Variants in SRCIN1 observed in about 807,000 individuals in gnomAD.
SRCIN1 encodes P130Cas-associated protein.
In SRCIN1, 50 loss-of-function variants were observed where a neutral mutation model predicts 116.2. That is an observed-to-expected ratio of 0.43 (90% CI 0.34 to 0.54). SRCIN1 has a LOEUF of 0.54. Among genes scored for constraint, SRCIN1 ranks in the 20% least tolerant of loss-of-function variants. The pLI is 0.02. For missense variants in SRCIN1, 1,446 were observed against 1,672.0 expected (o/e 0.86, Z 2.36); for synonymous variants, 736 against 750.0 (o/e 0.98, Z 0.30).
intron 18 of SRCIN1, among the ~76,000 whole-genome samples, chr17:38,537,202 T>C (rs1332933456): frequency 6.7e-6 from 1 of 148,514 alleles, no homozygotes; most frequent in Non-Finnish European, 1.5e-5. Flanking sequence ...AATAAATAAA[T>C]AAAAACAGCT....
chr17:38,533,837 G>A (rs879543108), intron 18 of SRCIN1, among the ~76,000 whole-genome samples: 4 of 151,576 alleles, frequency 2.6e-5, no homozygotes, highest in Admixed American at 6.6e-5. Flanking sequence ...GGGGACGGGG[G>A]TCAGGGTGGG....
intron 9 of SRCIN1, 91 bp downstream of exon 9, chr17:38,559,963 C>CCAGT: frequency 7.3e-7 from 1 of 1,360,766 alleles, no homozygotes; most frequent in Non-Finnish European, 1.0e-6. Flanking sequence ...TGGGCTAAGG[C>CCAGT]CAGTGATGTA....
intron 2 of SRCIN1, among the ~76,000 whole-genome samples, chr17:38,573,246 G>C (rs922246345): frequency 4.6e-5 from 7 of 152,194 alleles, no homozygotes; most frequent in African/African-American, 1.7e-4. Context: ...CGGGGTCTTT[G>C]CTGTGCACCT....
At chr17:38,571,484 G>A (rs1283584757) in intron 2 of SRCIN1, among the ~76,000 whole-genome samples, 1 of 152,150 alleles carries the variant, frequency 6.6e-6, no homozygotes, top group Admixed American at 6.5e-5. Context: ...CCCAACACCA[G>A]AAACCCCCCA....
chr17:38,551,727 G>T, intron 14 of SRCIN1, 159 bp downstream of exon 14: 1 of 1,185,538 alleles, frequency 8.4e-7, no homozygotes. Context: ...GAGGGCTAAT[G>T]TCACCCTCAT....
At chr17:38,589,315 A>G (rs552041301) in intron 1 of SRCIN1, among the ~76,000 whole-genome samples, 2 of 152,212 alleles carry the variant, frequency 1.3e-5, no homozygotes, top group African/African-American at 4.8e-5. Flanking sequence ...GCCACCTTAG[A>G]TGCCACGCAG....
chr17:38,587,439 T>C (rs900352949), intron 1 of SRCIN1, among the ~76,000 whole-genome samples: 26 of 152,140 alleles, frequency 1.7e-4, no homozygotes, highest in Admixed American at 8.5e-4. Context: ...GCCCCCTCCT[T>C]ACCCGTCCTG....
chr17:38,554,942 T>C (rs1002946909), intron 11 of SRCIN1, among the ~76,000 whole-genome samples: 1 of 152,216 alleles, frequency 6.6e-6, no homozygotes, highest in Non-Finnish European at 1.5e-5. Context: ...TCAGCAAATC[T>C]TATCAGCACG....
chr17:38,563,496 C>T lies in SRCIN1; in HGVS notation c.567G>A (p.Glu189=). The change falls in exon 5 of 19, where the codon GAG becomes GAA. Residue 189 remains glutamate (E), a synonymous_variant. Transcript: ENST00000617146. The surrounding 1 kb of genome is among the most constrained non-coding windows in gnomAD (Gnocchi z 5.8). Reference sequence around the variant, plus strand: ...GCGTGATGTGCACGCGCCGAGTCTCCTCCCCGAACTGCAGGAACAGCACCC... The same window carrying T: ...GCGTGATGTGCACGCGCCGAGTCTCTTCCCCGAACTGCAGGAACAGCACCC... ...SPGVLFLQFG[E]ETRRVHITHE... is the part of the protein sequence containing the mutation. 1.3e-6 allele frequency: 2 copies of T among 1,552,334 alleles called. No homozygotes were observed. Among genetic ancestry groups the T allele is most frequent in the South Asian group, 2.4e-5 (2 of 84,162 alleles).
At position 38,532,382 on chromosome 17, in the gene SRCIN1, TC is replaced by T. The variant is rs1170835067; in HGVS notation, c.*914del. ...AGGCCCCTCACTCTTGCCCACCCCATCCCCATTCAATAAGTTAATGCCATTT... is the reference window on the plus strand; with the variant it reads ...AGGCCCCTCACTCTTGCCCACCCCATCCCATTCAATAAGTTAATGCCATTT... On this transcript the variant is annotated 3_prime_UTR_variant, in exon 19 of 19. Coordinates refer to ENST00000617146, the MANE Select transcript of SRCIN1 (RefSeq NM_025248.3). This position sits in a 1 kb window ranked among gnomAD's most constrained non-coding sequence, Gnocchi z 4.3. 2 of 152,220 alleles carry T rather than the reference TC, an allele frequency of 1.3e-5. No homozygotes were observed. Among genetic ancestry groups the T allele is most frequent in the Non-Finnish European group, 2.9e-5 (2 of 68,024 alleles). The allele number at this position is 152,220 out of a possible 1,614,324, so 9.4% of individuals were successfully genotyped here. A position where few individuals can be genotyped will look rare whatever the true frequency, so the allele number is the denominator to read the frequency against.
rs1019817893 is a variant in SRCIN1 at position 38,572,213 on chromosome 17, T to A, written c.325-3982A>T. On this transcript the variant is annotated intron_variant, in intron 2 of 18. Coordinates refer to ENST00000617146, the MANE Select transcript of SRCIN1 (RefSeq NM_025248.3). This position sits in a 1 kb window ranked among gnomAD's most constrained non-coding sequence, Gnocchi z 4.3. ...ACCTCTCAACTCCCATGAACACGAG[T>A]CAGCGTAAACACTCGTCCCCCGGGC... Among the ~76,000 whole-genome samples the A allele has an allele frequency of 1.3e-5, 2 of 152,054 alleles. No homozygotes were observed. The highest frequency in any genetic ancestry group is 6.5e-5 in the Admixed American group (1 of 15,272).
chr17:38,564,113 A>C lies in SRCIN1; in HGVS notation c.541+5T>G, dbSNP rs1906492676. On this transcript the variant is annotated splice_donor_5th_base_variant and intron_variant, in intron 4 of 18. Coordinates refer to ENST00000617146, the MANE Select transcript of SRCIN1 (RefSeq NM_025248.3). ...GGGAGGGAGGGTGGACTGGGCGGGC[A>C]GTACCTGGGGAGCGCAGCTTGGTCT... 8 of 1,594,716 alleles carry C rather than the reference A, an allele frequency of 5.0e-6. No homozygotes were observed. In the East Asian group the frequency reaches 1.8e-4, roughly 36 times the overall value.
At position 38,552,941 on chromosome 17, in the gene SRCIN1, G is replaced by A. The variant is rs1039278611; in HGVS notation, c.2202-86C>T. 5 of 1,540,840 alleles carry A rather than the reference G, an allele frequency of 3.2e-6. No homozygotes were observed. Among genetic ancestry groups the A allele is most frequent in the Non-Finnish European group, 4.4e-6 (5 of 1,143,824 alleles). ...AAATTGGGCAACTGGAAAGAAATCA[G>A]GCCACCAGTTGGATCGAAAGTAAAA... On this transcript the variant is annotated intron_variant, in intron 11 of 18. Coordinates refer to ENST00000617146, the MANE Select transcript of SRCIN1 (RefSeq NM_025248.3). This position sits in a 1 kb window ranked among gnomAD's most constrained non-coding sequence, Gnocchi z 5.3.
intron 15 of SRCIN1, among the ~76,000 whole-genome samples, chr17:38,549,955 C>G (rs1319263995): frequency 6.6e-6 from 1 of 152,184 alleles, no homozygotes; most frequent in Non-Finnish European, 1.5e-5. Flanking sequence ...AGGGAAGTGC[C>G]CACTCATTTG....
chr17:38,561,294 C>T lies in SRCIN1; in HGVS notation c.1700+169G>A, dbSNP rs374003134. Among the ~76,000 whole-genome samples the T allele has an allele frequency of 9.8e-5, 15 of 152,322 alleles. No individual in the cohort carries two copies. In the South Asian group the frequency reaches 2.9e-3, roughly 29 times the overall value. On this transcript the variant is annotated intron_variant, in intron 7 of 18. Transcript: ENST00000617146. ...GGCAAGCTGGTCTCTCCAATGCCCTCTCTGCCACATCCAAGATGCTCTCTG... is the reference window on the plus strand; with the variant it reads ...GGCAAGCTGGTCTCTCCAATGCCCTTTCTGCCACATCCAAGATGCTCTCTG...
chr17:38,556,289 G>A (rs888706580), intron 11 of SRCIN1, among the ~76,000 whole-genome samples: 18 of 152,254 alleles, frequency 1.2e-4, no homozygotes, highest in Admixed American at 1.0e-3. Flanking sequence ...GGGGCTCCGC[G>A]TGACCGCACA....
chr17:38,567,288 T>C (rs1482250490), intron 3 of SRCIN1, among the ~76,000 whole-genome samples: 1 of 152,222 alleles, frequency 6.6e-6, no homozygotes. Flanking sequence ...TAAGAGGATA[T>C]GTGGCTTGCC....
intron 2 of SRCIN1, chr17:38,574,739 A>G (rs1907297409): frequency 2.5e-6 from 1 of 398,000 alleles, no homozygotes; most frequent in Non-Finnish European, 4.4e-6. Flanking sequence ...AGTCTCCTGA[A>G]AATAGGGGCT....
chr17:38,560,441 G>T lies in SRCIN1; in HGVS notation c.1701-16C>A, dbSNP rs375799134. On this transcript the variant is annotated splice_polypyrimidine_tract_variant and intron_variant, in intron 7 of 18. Coordinates refer to ENST00000617146, the MANE Select transcript of SRCIN1 (RefSeq NM_025248.3). ...CATGCGCTCCCTGGGGAGGAAGGGG[G>T]TCTGGGCAACCTCGCCTCTGAGCAT... The T allele has an allele frequency of 1.1e-5, 18 of 1,599,428 alleles. No homozygotes were observed. Among genetic ancestry groups the T allele is most frequent in the Admixed American group, 1.7e-5 (1 of 58,188 alleles).
Sources: allele counts gnomAD v4.1 joint callset (sites outside exome capture counted in the v4.1 genomes callset), GRCh38; gene constraint gnomAD v4.1.1; non-coding constraint Gnocchi (gnomAD v3.1); transcripts MANE v1.5; gene names NCBI Gene and HGNC (gene_info 2026-07-23, HGNC 2026-07-21).